RAP1GDS1: variants seen among roughly 807,000 people sequenced by gnomAD.
The protein encoded by RAP1GDS1 is RAP1, GTP-GDP dissociation stimulator 1.
Under a neutral mutation model 71.1 loss-of-function variants are expected in RAP1GDS1, and 35 were observed. The ratio of observed to expected loss-of-function variants is 0.49; its 90% CI spans 0.38 to 0.65. The LOEUF (loss-of-function observed/expected upper bound fraction) is 0.65. Among genes scored for constraint, RAP1GDS1 ranks in the 30% least tolerant of loss-of-function variants. The pLI, the probability that RAP1GDS1 is intolerant of heterozygous loss-of-function variation, is 0.00. For synonymous variants in RAP1GDS1, 229 were observed against 243.1 expected (o/e 0.94, Z 0.54); for missense variants, 663 against 706.1 (o/e 0.94, Z 0.69).
intron 3 of RAP1GDS1, among the ~76,000 whole-genome samples, chr4:98,344,325 C>G (rs187363686): frequency 6.6e-6 from 1 of 152,266 alleles, no homozygotes; most frequent in East Asian, 1.9e-4. Flanking sequence ...GGACCAACCC[C>G]TATCTGAATT....
chr4:98,320,018 A>C (rs1465454900), intron 2 of RAP1GDS1, among the ~76,000 whole-genome samples: 2 of 152,136 alleles, frequency 1.3e-5, no homozygotes, highest in Admixed American at 1.3e-4. Flanking sequence ...ATCCACTTCC[A>C]CTTAATGAAT....
At position 98,421,247 on chromosome 4, in the gene RAP1GDS1, T is replaced by C; in HGVS notation, c.1301-8T>C. On this transcript the variant is annotated splice_polypyrimidine_tract_variant and splice_region_variant and intron_variant, in intron 11 of 14. Coordinates refer to ENST00000408927, the MANE Select transcript of RAP1GDS1 (RefSeq NM_001100427.2). Reference sequence around the variant, plus strand: ...GATTCATTCCTTGGTTTGCCTTCTTTCCTATAGCAGAAGCTGCTGAACAAT... The same window carrying C: ...GATTCATTCCTTGGTTTGCCTTCTTCCCTATAGCAGAAGCTGCTGAACAAT... The C allele has an allele frequency of 6.3e-7, 1 of 1,599,990 alleles. No individual in the cohort carries two copies. The highest frequency in any genetic ancestry group is 8.5e-7 in the Non-Finnish European group (1 of 1,172,836).
At chr4:98,372,836 C>T (rs1490371352) in intron 4 of RAP1GDS1, among the ~76,000 whole-genome samples, 1 of 152,046 alleles carries the variant, frequency 6.6e-6, no homozygotes, top group Non-Finnish European at 1.5e-5. Flanking sequence ...AAGTGCATGC[C>T]ACAATGCCTG....
intron 2 of RAP1GDS1, among the ~76,000 whole-genome samples, chr4:98,303,862 C>T (rs1049758286): frequency 6.6e-5 from 10 of 151,910 alleles, no homozygotes; most frequent in African/African-American, 2.2e-4. Context: ...TCCCCATAAC[C>T]CCCTCTACAG....
intron 4 of RAP1GDS1, among the ~76,000 whole-genome samples, chr4:98,353,487 A>G (rs1355986515): frequency 6.6e-6 from 1 of 152,206 alleles, no homozygotes; most frequent in South Asian, 2.1e-4. Flanking sequence ...TTATGCATAT[A>G]AGCCAGAAAG....
intron 7 of RAP1GDS1, among the ~76,000 whole-genome samples, chr4:98,411,724 A>T (rs529499762): frequency 6.6e-6 from 1 of 152,336 alleles, no homozygotes; most frequent in South Asian, 2.1e-4. Context: ...GGATAGGATG[A>T]TACCATTGAA....
At chr4:98,293,674 C>T (rs1315577362) in intron 2 of RAP1GDS1, among the ~76,000 whole-genome samples, 159 bp downstream of exon 2, 2 of 152,012 alleles carry the variant, frequency 1.3e-5, no homozygotes, top group African/African-American at 2.4e-5. Context: ...ATGTTCTACC[C>T]TCCTACTTCC....
chr4:98,284,857 T>A (rs1322563641), intron 1 of RAP1GDS1, among the ~76,000 whole-genome samples: 1 of 152,092 alleles, frequency 6.6e-6, no homozygotes, highest in East Asian at 1.9e-4. Flanking sequence ...GAAATCCTAG[T>A]CTTTGAGTCC....
chr4:98,297,322 C>T (rs1298038765), intron 2 of RAP1GDS1, among the ~76,000 whole-genome samples: 2 of 151,966 alleles, frequency 1.3e-5, no homozygotes, highest in Non-Finnish European at 2.9e-5. Context: ...GCTAAGCATA[C>T]GTAATTATAG....
intron 5 of RAP1GDS1, among the ~76,000 whole-genome samples, chr4:98,386,434 T>C (rs929857728): frequency 2.6e-5 from 4 of 151,968 alleles, no homozygotes; most frequent in African/African-American, 9.7e-5. Context: ...AATTTTGCCA[T>C]GTAGAGACAA....
chr4:98,354,284 G>A (rs1367947113), intron 4 of RAP1GDS1, among the ~76,000 whole-genome samples: 1 of 151,606 alleles, frequency 6.6e-6, no homozygotes, highest in Admixed American at 6.6e-5. Flanking sequence ...GGATGGTCTC[G>A]ATCTCCTGAC....
intron 3 of RAP1GDS1, among the ~76,000 whole-genome samples, chr4:98,343,702 G>A (rs1418002686): frequency 6.6e-6 from 1 of 152,034 alleles, no homozygotes; most frequent in African/African-American, 2.4e-5. Context: ...TGGAATATAC[G>A]TTCTATTTTC....
At chr4:98,354,970 G>C (rs1737738898) in intron 4 of RAP1GDS1, among the ~76,000 whole-genome samples, 1 of 152,118 alleles carries the variant, frequency 6.6e-6, no homozygotes, top group Admixed American at 6.5e-5. Context: ...TAGACTGCAT[G>C]CTTTCTTACC....
chr4:98,409,032 AAG>A (rs1180079561), intron 7 of RAP1GDS1, among the ~76,000 whole-genome samples: 2 of 152,154 alleles, frequency 1.3e-5, no homozygotes. Flanking sequence ...CAGTGCATTA[AAG>A]AGAATAAAAG....
At chr4:98,416,711 A>C (rs775111382) in intron 7 of RAP1GDS1, 34 bp from the exon 8 acceptor site, 2 of 1,552,878 alleles carry the variant, frequency 1.3e-6, no homozygotes, top group East Asian at 4.5e-5. Flanking sequence ...ATTTTATCTC[A>C]AAGTTTGATT....
intron 12 of RAP1GDS1, among the ~76,000 whole-genome samples, chr4:98,427,899 G>A (rs1314746949): frequency 6.6e-6 from 1 of 152,084 alleles, no homozygotes; most frequent in African/African-American, 2.4e-5. Context: ...AGCCTGCATA[G>A]CCAAGGCAAG....
At chr4:98,352,398 A>G (rs1017417418) in intron 3 of RAP1GDS1, 78 bp from the exon 4 acceptor site, 2 of 1,450,462 alleles carry the variant, frequency 1.4e-6, no homozygotes, top group Non-Finnish European at 9.5e-7. Flanking sequence ...AAAAGTAGGT[A>G]TTTATTTTAT....
intron 1 of RAP1GDS1, among the ~76,000 whole-genome samples, chr4:98,273,909 T>C (rs1348690306): frequency 1.3e-5 from 2 of 152,318 alleles, no homozygotes; most frequent in South Asian, 4.1e-4. Context: ...TTTTGAAATA[T>C]AGAAATTTCC....
At chr4:98,366,151 G>C (rs1375663636) in intron 4 of RAP1GDS1, among the ~76,000 whole-genome samples, 2 of 152,110 alleles carry the variant, frequency 1.3e-5, no homozygotes, top group East Asian at 3.9e-4. Context: ...GAATTCCCAT[G>C]TATTGTGGGA....
Sources: allele counts gnomAD v4.1 joint callset (sites outside exome capture counted in the v4.1 genomes callset), GRCh38; gene constraint gnomAD v4.1.1; transcripts MANE v1.5; gene names NCBI Gene and HGNC (gene_info 2026-07-23, HGNC 2026-07-21).